The following NR3C1 variants were observed in gnomAD, a reference collection of about 807,000 sequenced individuals.
NR3C1 encodes nuclear receptor subfamily 3 group C member 1.
A neutral mutation model predicts 74.0 loss-of-function variants in NR3C1; 14 were observed. The observed-to-expected ratio is 0.19, with a 90% CI of 0.12 to 0.30. NR3C1 has a LOEUF of 0.30. Ranked by LOEUF, NR3C1 falls within the 10% of genes least tolerant of loss-of-function variation. The probability of loss-of-function intolerance (pLI) is 1.00; values close to 1 mark genes in which losing one functional copy is unlikely to be tolerated. For missense variants in NR3C1, 695 were observed against 909.8 expected (o/e 0.76, Z 3.04); for synonymous variants, 308 against 332.5 (o/e 0.93, Z 0.80).
At chr5:143,285,739 G>A (rs140939574) in intron 7 of NR3C1, among the ~76,000 whole-genome samples, 7 of 152,212 alleles carry the variant, frequency 4.6e-5, no homozygotes, top group Non-Finnish European at 7.4e-5. Context: ...ATATCAAAAT[G>A]TGTGGGATGC....
chr5:143,340,089 T>C (rs1005183530), intron 2 of NR3C1, among the ~76,000 whole-genome samples: 2 of 152,170 alleles, frequency 1.3e-5, no homozygotes, highest in African/African-American at 4.8e-5. Flanking sequence ...TAATATAATT[T>C]AATAACTAGC....
In NR3C1 at chr5:143,277,937, A is replaced by G. The variant is rs1812587210; in HGVS notation, c.*3952T>C. On this transcript the variant is annotated 3_prime_UTR_variant, in exon 9 of 9. Transcript: ENST00000394464. ...AAAGCATGTTGGAGTCACATAATGA[A>G]AAAGCAGATTTTTTTATTATGATGT... is the stretch of plus-strand genomic sequence containing the variant. 6.6e-6 allele frequency: 1 copy of G among 152,218 alleles called. No homozygotes were observed. Among genetic ancestry groups the G allele is most frequent in the African/African-American group, 2.4e-5 (1 of 41,470 alleles). The allele number at this position is 152,218 out of a possible 1,614,324, so 9.4% of individuals were successfully genotyped here.
At chr5:143,366,385 T>C (rs1052064562) in intron 2 of NR3C1, among the ~76,000 whole-genome samples, 4 of 151,656 alleles carry the variant, frequency 2.6e-5, no homozygotes, top group Admixed American at 6.6e-5. Context: ...TGGTGGGCGC[T>C]TGTAATCCCA....
At chr5:143,346,446 A>G (rs1829302401) in intron 2 of NR3C1, among the ~76,000 whole-genome samples, 1 of 152,246 alleles carries the variant, frequency 6.6e-6, no homozygotes, top group Non-Finnish European at 1.5e-5. Context: ...CAAAGTCAGT[A>G]TCAGTTTGGC....
At chr5:143,360,900 A>C (rs1832107856) in intron 2 of NR3C1, among the ~76,000 whole-genome samples, 1 of 152,210 alleles carries the variant, frequency 6.6e-6, no homozygotes, top group Non-Finnish European at 1.5e-5. Flanking sequence ...ACTGCAGGGT[A>C]CCAGGTTTTA....
rs200011088 is a variant in NR3C1 at position 143,306,104 on chromosome 5, T to TA, written c.1468+3992dup. Among the ~76,000 whole-genome samples, 175 of 151,442 alleles carry TA rather than the reference T, an allele frequency of 1.2e-3. 3 individuals are homozygous for TA. In the East Asian group the frequency reaches 0.022, roughly 19 times the overall value. On this transcript the variant is annotated intron_variant, in intron 4 of 8. Transcript: ENST00000394464. ...TCAAGAGAAAAACAAGCAAGTTTTT[T>TA]AAAAAAAAACATTTAGGATCACCAT...
chr5:143,428,328 T>C (rs1188788686), intron 1 of NR3C1, among the ~76,000 whole-genome samples: 1 of 152,236 alleles, frequency 6.6e-6, no homozygotes, highest in Non-Finnish European at 1.5e-5. Flanking sequence ...GGATCAATGG[T>C]TCACATGGTG....
chr5:143,403,128 C>T, intron 1 of NR3C1, 83 bp downstream of exon 1: 1 of 980,860 alleles, frequency 1.0e-6, no homozygotes, highest in Non-Finnish European at 1.2e-6. Flanking sequence ...TAGGCTCCCG[C>T]GGCGGCCCCC....
chr5:143,319,714 A>G (rs575766610), intron 2 of NR3C1, among the ~76,000 whole-genome samples: 1 of 152,290 alleles, frequency 6.6e-6, no homozygotes, highest in South Asian at 2.1e-4. Flanking sequence ...GACAGCCCCC[A>G]CCACAAAGAA....
intron 2 of NR3C1, among the ~76,000 whole-genome samples, chr5:143,397,024 T>C (rs1044922878): frequency 2.6e-5 from 4 of 151,866 alleles, no homozygotes; most frequent in Non-Finnish European, 5.9e-5. Flanking sequence ...GAGAATAAGG[T>C]TTCTCTTGTT....
rs983026849 is a variant in NR3C1, at chr5:143,340,629, C to T, written c.1185-26461G>A. Among the ~76,000 whole-genome samples, 13 of 151,484 alleles carry T rather than the reference C, an allele frequency of 8.6e-5. 1 individual carries two copies. The highest frequency in any genetic ancestry group is 2.4e-4 in the African/African-American group (10 of 41,164). ...TCCCGAGTAGCTGGGATTACAGGTGCGCGCCACCACGCCCAGCTATTTTTT... is the reference window on the plus strand; with the variant it reads ...TCCCGAGTAGCTGGGATTACAGGTGTGCGCCACCACGCCCAGCTATTTTTT... On this transcript the variant is annotated intron_variant, in intron 2 of 8. Transcript: ENST00000394464.
chr5:143,405,415 C>G, upstream of NR3C1: 1 of 943,672 alleles, frequency 1.1e-6, no homozygotes, highest in Non-Finnish European at 1.3e-6. Flanking sequence ...CCGGAAGCCG[C>G]CCGCCGCCAT....
chr5:143,404,876 T>C (rs1012367596), upstream of NR3C1, among the ~76,000 whole-genome samples: 4 of 152,324 alleles, frequency 2.6e-5, no homozygotes, highest in South Asian at 2.1e-4. Context: ...CCCTCGACTC[T>C]GTGCGTTGCT....
rs1260457213 is a variant in NR3C1, at chr5:143,278,810, A to G, written c.*3079T>C. ...CTCCCTGCCTCTGAATTCTGAAGGG[A>G]GCGTGGCTTTCCTTCATGGCATGCC... On this transcript the variant is annotated 3_prime_UTR_variant, in exon 9 of 9. Coordinates refer to ENST00000394464, the MANE Select transcript of NR3C1 (RefSeq NM_000176.3). 1 of 152,312 alleles carries G rather than the reference A, an allele frequency of 6.6e-6. No homozygotes were observed. Among genetic ancestry groups the G allele is most frequent in the Non-Finnish European group, 1.5e-5 (1 of 68,156 alleles). 9.4% of individuals were successfully genotyped at this position (152,312 alleles called of 1,614,324 possible).
intron 2 of NR3C1, among the ~76,000 whole-genome samples, chr5:143,319,552 A>AG (rs1249782107): frequency 6.6e-6 from 1 of 152,212 alleles, no homozygotes; most frequent in African/African-American, 2.4e-5. Flanking sequence ...CAAACACCGT[A>AG]ACACAGTAGT....
chr5:143,417,999 C>A (rs1391772675), intron 1 of NR3C1, among the ~76,000 whole-genome samples: 3 of 152,166 alleles, frequency 2.0e-5, no homozygotes, highest in Non-Finnish European at 2.9e-5. Context: ...AGACATTGAT[C>A]ACGTGCTCTT....
intron 2 of NR3C1, among the ~76,000 whole-genome samples, chr5:143,398,354 T>G (rs1027264817): frequency 9.1e-6 from 1 of 110,406 alleles, no homozygotes; most frequent in Non-Finnish European, 2.2e-5. Context: ...CAAGGTTTTT[T>G]GGTTTTTTTT....
At chr5:143,424,296 G>A (rs1176612016) in intron 1 of NR3C1, among the ~76,000 whole-genome samples, 1 of 152,092 alleles carries the variant, frequency 6.6e-6, no homozygotes, top group Non-Finnish European at 1.5e-5. Flanking sequence ...AAGATCTAGT[G>A]TTCAGTAGAC....
intron 2 of NR3C1, among the ~76,000 whole-genome samples, chr5:143,380,987 T>C (rs1836123116): frequency 6.6e-6 from 1 of 152,044 alleles, no homozygotes; most frequent in Non-Finnish European, 1.5e-5. Context: ...GAATCCAAAA[T>C]GGAATGGAAG....
Sources: gnomAD v4.1 joint callset for allele counts (sites outside exome capture counted in the v4.1 genomes callset) on GRCh38, gnomAD v4.1.1 for gene constraint, MANE v1.5 for transcripts, NCBI Gene and HGNC (gene_info 2026-07-23, HGNC 2026-07-21) for gene names.